Variants in SUPT3H observed in about 807,000 individuals in gnomAD.
SUPT3H encodes the protein transcription initiation protein SPT3 homolog.
A neutral mutation model predicts 44.3 loss-of-function variants in SUPT3H; 44 were observed. The ratio of observed to expected loss-of-function variants is 0.99; its 90% confidence interval spans 0.78 to 1.28. The LOEUF is 1.28. Among genes scored for constraint, SUPT3H ranks in the 50% most tolerant of loss-of-function variants. The pLI, the probability that SUPT3H is intolerant of heterozygous loss-of-function variation, is 0.00. For synonymous variants in SUPT3H, 124 were observed against 125.6 expected, an observed-to-expected ratio of 0.99 and a Z score of 0.09; for missense variants, 380 against 387.1, an observed-to-expected ratio of 0.98 and a Z score of 0.15.
Position 44,829,755 on chromosome 6 carries a change from A to G in SUPT3H, c.*61T>C. The G allele has an allele frequency of 6.4e-7, 1 of 1,567,346 alleles. No homozygotes were observed. Among genetic ancestry groups the G allele is most frequent in the Non-Finnish European group, 8.7e-7 (1 of 1,144,566 alleles). ...AAATTTGTATTTTATTTTGTTCACA[A>G]GAAATCACCTTAATATAACATTGCC... On this transcript the variant is annotated 3_prime_UTR_variant, in exon 11 of 11. Transcript: ENST00000371459.
At chr6:44,888,809 AAAG>A (rs1431575146) in intron 10 of SUPT3H, among the ~76,000 whole-genome samples, 1 of 151,968 alleles carries the variant, frequency 6.6e-6, no homozygotes, top group Non-Finnish European at 1.5e-5. Flanking sequence ...TCAATTAGGA[AAAG>A]AAGAAGTCAA....
intron 2 of SUPT3H, among the ~76,000 whole-genome samples, chr6:45,208,996 C>T (rs1399429722): frequency 6.6e-6 from 1 of 152,148 alleles, no homozygotes; most frequent in Non-Finnish European, 1.5e-5. Context: ...TGTACTCTTC[C>T]TTTGCTCAGT....
At chr6:44,884,535 C>A (rs1778808195) in intron 10 of SUPT3H, among the ~76,000 whole-genome samples, 1 of 152,134 alleles carries the variant, frequency 6.6e-6, no homozygotes, top group African/African-American at 2.4e-5. Flanking sequence ...AACACATGCA[C>A]ACATATGTTT....
At chr6:45,302,352 A>C (rs1174159777) in intron 2 of SUPT3H, among the ~76,000 whole-genome samples, 5 of 151,412 alleles carry the variant, frequency 3.3e-5, no homozygotes, top group African/African-American at 1.2e-4. Flanking sequence ...GAGAATATAC[A>C]ATGTTTGGTT....
At chr6:45,279,762 T>C (rs1205178756) in intron 2 of SUPT3H, among the ~76,000 whole-genome samples, 1 of 152,204 alleles carries the variant, frequency 6.6e-6, no homozygotes, top group Non-Finnish European at 1.5e-5. Flanking sequence ...ATACAATGTA[T>C]TTATACAAAG....
chr6:44,849,820 A>T (rs9472384), intron 10 of SUPT3H, among the ~76,000 whole-genome samples: 12,534 of 152,280 alleles, frequency 0.082, 815 homozygotes, highest in African/African-American at 0.18. Flanking sequence ...ATTCCAGCAG[A>T]TCAACCAGAT....
chr6:44,955,007 G>A (rs1774894560), intron 7 of SUPT3H, among the ~76,000 whole-genome samples: 1 of 152,170 alleles, frequency 6.6e-6, no homozygotes, highest in Non-Finnish European at 1.5e-5. Flanking sequence ...AGAAAATCTT[G>A]CAAGAAAGAA....
chr6:45,269,574 G>C (rs1775790858), intron 2 of SUPT3H, among the ~76,000 whole-genome samples: 1 of 152,090 alleles, frequency 6.6e-6, no homozygotes, highest in South Asian at 2.1e-4. Flanking sequence ...CATTTGAATG[G>C]TTAGGAAAGA....
intron 2 of SUPT3H, among the ~76,000 whole-genome samples, chr6:45,190,452 A>G (rs1264538342): frequency 6.6e-6 from 1 of 152,042 alleles, no homozygotes; most frequent in Non-Finnish European, 1.5e-5. Context: ...GTTTTTCCAT[A>G]TGTAAACTCT....
At chr6:45,077,746 C>G (rs1268154928) in intron 3 of SUPT3H, among the ~76,000 whole-genome samples, 1 of 147,690 alleles carries the variant, frequency 6.8e-6, no homozygotes, top group African/African-American at 2.5e-5. Context: ...AGTAGAAAAA[C>G]TCAATAAACA....
chr6:45,178,506 C>T (rs35523359), intron 2 of SUPT3H, among the ~76,000 whole-genome samples: 164 of 151,742 alleles, frequency 1.1e-3, no homozygotes, highest in Non-Finnish European at 1.9e-3. Context: ...GACAGATCAA[C>T]GAGACAGACA....
intron 2 of SUPT3H, among the ~76,000 whole-genome samples, chr6:45,231,829 G>C (rs567866028): frequency 2.6e-5 from 4 of 152,060 alleles, no homozygotes; most frequent in Admixed American, 1.3e-4. Context: ...CAAAAGATGT[G>C]TCTTCAAGTT....
intron 2 of SUPT3H, among the ~76,000 whole-genome samples, chr6:45,166,852 A>G (rs1185231373): frequency 6.6e-6 from 1 of 152,186 alleles, no homozygotes; most frequent in Non-Finnish European, 1.5e-5. Context: ...TAGAATGGCT[A>G]AAAGTTAAAA....
chr6:45,001,607 C>CTATA (rs774909648), intron 6 of SUPT3H, among the ~76,000 whole-genome samples: 2,669 of 152,050 alleles, frequency 0.018, 53 homozygotes, highest in South Asian at 0.086. Context: ...GCTAGAATAC[C>CTATA]AAGTGAGTTT....
rs1011866862 is a variant in SUPT3H at position 45,098,856 on chromosome 6, T to C, written c.186+7066A>G. 8.0e-5 allele frequency: 44 copies of C among 549,332 alleles called. 1 individual carries two copies. Among genetic ancestry groups the C allele is most frequent in the South Asian group, 6.1e-4 (44 of 72,466 alleles). The allele number at this position is 549,332 out of a possible 1,614,324, so 34.0% of individuals were successfully genotyped here. ...CCACAGGGCAGGCTGCAGAAGTGGC[T>C]GCTGAGAAGTCCTTTGATAAGTTGA... On this transcript the variant is annotated intron_variant, in intron 3 of 10. Transcript: ENST00000371459.
At chr6:45,106,990 T>G (rs1799379243) in intron 2 of SUPT3H, among the ~76,000 whole-genome samples, 1 of 152,178 alleles carries the variant, frequency 6.6e-6, no homozygotes, top group South Asian at 2.1e-4. Flanking sequence ...TGTAATCAGC[T>G]TTGAAAGTTG....
intron 10 of SUPT3H, among the ~76,000 whole-genome samples, chr6:44,926,735 T>G (rs537053939): frequency 5.3e-5 from 8 of 152,192 alleles, no homozygotes; most frequent in Non-Finnish European, 8.8e-5. Context: ...TAGTTTCTAT[T>G]TGTTAAGGTC....
chr6:44,860,307 A>G (rs1175255129), intron 10 of SUPT3H, among the ~76,000 whole-genome samples: 5 of 152,208 alleles, frequency 3.3e-5, no homozygotes, highest in Non-Finnish European at 7.3e-5. Context: ...CAACTGCTTC[A>G]TGTACCCAGC....
intron 2 of SUPT3H, among the ~76,000 whole-genome samples, chr6:45,346,211 T>G (rs1025648842): frequency 6.7e-6 from 1 of 150,058 alleles, no homozygotes; most frequent in African/African-American, 2.5e-5. Context: ...CTCACTCTAC[T>G]TATGTATATA....
Sources: allele counts gnomAD v4.1 joint callset (sites outside exome capture counted in the v4.1 genomes callset), GRCh38; gene constraint gnomAD v4.1.1; transcripts MANE v1.5; gene names NCBI Gene and HGNC (gene_info 2026-07-23, HGNC 2026-07-21).